IGSF21: variants seen among roughly 807,000 people sequenced by gnomAD.
IGSF21 encodes the protein immunoglobin superfamily member 21.
IGSF21 carries 28 observed loss-of-function variants against 46.8 expected under a neutral mutation model. That is an observed-to-expected ratio of 0.60 (90% CI 0.44 to 0.82). The LOEUF (loss-of-function observed/expected upper bound fraction) is 0.82. IGSF21 is among the 40% of genes least tolerant of loss of function. The probability of loss-of-function intolerance (pLI) is 0.00; values close to 1 mark genes in which losing one functional copy is unlikely to be tolerated. For missense variants in IGSF21, 624 were observed against 665.5 expected, an observed-to-expected ratio of 0.94 and a Z score of 0.69; for synonymous variants, 284 against 273.6, an observed-to-expected ratio of 1.04 and a Z score of -0.38.
intron 3 of IGSF21, among the ~76,000 whole-genome samples, chr1:18,331,508 G>T (rs1276218341): frequency 6.6e-6 from 1 of 152,188 alleles, no homozygotes; most frequent in Non-Finnish European, 1.5e-5. Flanking sequence ...TCCACTCATT[G>T]ATTAATGGGC....
intron 1 of IGSF21, among the ~76,000 whole-genome samples, chr1:18,121,211 A>G (rs963369552): frequency 1.3e-5 from 2 of 152,200 alleles, no homozygotes; most frequent in Non-Finnish European, 1.5e-5. Flanking sequence ...TGAGTAACTT[A>G]GCACTTTGGA....
intron 1 of IGSF21, among the ~76,000 whole-genome samples, chr1:18,124,171 G>A (rs930554841): frequency 6.6e-6 from 1 of 152,184 alleles, no homozygotes; most frequent in Admixed American, 6.5e-5. Flanking sequence ...GAGAAACATT[G>A]AAGCCAAAAT....
chr1:18,133,882 C>T (rs1346583554), intron 1 of IGSF21, among the ~76,000 whole-genome samples: 4 of 152,210 alleles, frequency 2.6e-5, no homozygotes, highest in Admixed American at 6.5e-5. Context: ...GATGACCACA[C>T]GGGTCAGTGA....
At chr1:18,188,470 C>T (rs1383527090) in intron 1 of IGSF21, among the ~76,000 whole-genome samples, 1 of 152,112 alleles carries the variant, frequency 6.6e-6, no homozygotes, top group Non-Finnish European at 1.5e-5. Flanking sequence ...GGAACTCTCA[C>T]CACATCCTCA....
At chr1:18,150,608 T>C (rs2086513667) in intron 1 of IGSF21, among the ~76,000 whole-genome samples, 1 of 152,162 alleles carries the variant, frequency 6.6e-6, no homozygotes, top group Admixed American at 6.5e-5. Context: ...GGTAACTTCA[T>C]ACCTACTTCA....
intron 3 of IGSF21, among the ~76,000 whole-genome samples, chr1:18,301,531 G>C (rs917407612): frequency 2.6e-5 from 4 of 152,128 alleles, no homozygotes. Flanking sequence ...AGCAGAGACA[G>C]GGTTTCACCA....
At chr1:18,324,636 T>G (rs1365505658) in intron 3 of IGSF21, among the ~76,000 whole-genome samples, 1 of 152,334 alleles carries the variant, frequency 6.6e-6, no homozygotes, top group East Asian at 1.9e-4. Context: ...ACCAGACTCT[T>G]CTGGGAGAGC....
chr1:18,370,432 G>GCA (rs2086213635), intron 6 of IGSF21, among the ~76,000 whole-genome samples: 2 of 152,116 alleles, frequency 1.3e-5, no homozygotes, highest in East Asian at 3.9e-4. Flanking sequence ...CCCCTGCCTC[G>GCA]CACACACACA....
intron 1 of IGSF21, among the ~76,000 whole-genome samples, chr1:18,177,392 GGTGTGTGTGTGT>G (rs3041401): frequency 2.2e-4 from 27 of 125,070 alleles, no homozygotes; most frequent in African/African-American, 4.9e-4. Context: ...GGGTCAGTGA[GGTGTGTGTGTGT>G]GTGTGTGTGT....
At chr1:18,268,200 G>T (rs1353485474) in intron 2 of IGSF21, among the ~76,000 whole-genome samples, 1 of 152,204 alleles carries the variant, frequency 6.6e-6, no homozygotes, top group African/African-American at 2.4e-5. Context: ...TACTTCGACT[G>T]ATCATTTTAC....
At chr1:18,174,121 T>G (rs1307331370) in intron 1 of IGSF21, among the ~76,000 whole-genome samples, 2 of 152,176 alleles carry the variant, frequency 1.3e-5, no homozygotes, top group African/African-American at 4.8e-5. Context: ...ATGTGTTCTG[T>G]GGCTTGCGGG....
intron 1 of IGSF21, among the ~76,000 whole-genome samples, chr1:18,199,232 T>A (rs1195679134): frequency 6.6e-6 from 1 of 151,978 alleles, no homozygotes; most frequent in Non-Finnish European, 1.5e-5. Context: ...TGCCCTGAGT[T>A]CAAATACTGT....
chr1:18,148,672 C>T (rs949574935), intron 1 of IGSF21, among the ~76,000 whole-genome samples: 2 of 152,184 alleles, frequency 1.3e-5, no homozygotes, highest in Non-Finnish European at 2.9e-5. Context: ...CAAGGCCTGG[C>T]ACCAGGAAGG....
At chr1:18,183,606 A>G (rs1570312275) in intron 1 of IGSF21, among the ~76,000 whole-genome samples, 2 of 152,248 alleles carry the variant, frequency 1.3e-5, no homozygotes, top group Middle Eastern at 3.4e-3. Flanking sequence ...CCAGCCCAAA[A>G]CTCAGTGGCT....
At chr1:18,208,588 C>T (rs150990959) in intron 1 of IGSF21, among the ~76,000 whole-genome samples, 4,118 of 130,532 alleles carry the variant, frequency 0.032, 103 homozygotes, top group South Asian at 0.049. Flanking sequence ...TAGTAGAGAC[C>T]GGGTTTCTCC....
chr1:18,192,898 C>T (rs1004219), intron 1 of IGSF21, among the ~76,000 whole-genome samples: 35,495 of 151,988 alleles, frequency 0.23, 5,171 homozygotes, highest in South Asian at 0.37. Flanking sequence ...TTATTCGACA[C>T]ATATTAATTG....
rs539595154 is a variant in IGSF21 at position 18,197,814 on chromosome 1, G to A, written c.71-30084G>A. Among the ~76,000 whole-genome samples, 116 of 152,336 alleles carry A rather than the reference G, an allele frequency of 7.6e-4. 1 individual carries two copies. In the South Asian group the frequency reaches 8.1e-3, roughly 11 times the overall value. ...TATTGGGGCTATGGTGAAAGCCAAG[G>A]GCTTAGAATGATGCCTGGAACAAGA... On this transcript the variant is annotated intron_variant, in intron 1 of 9. Transcript: ENST00000251296.
chr1:18,296,203 C>T (rs1268513560), intron 3 of IGSF21, among the ~76,000 whole-genome samples: 5 of 152,198 alleles, frequency 3.3e-5, no homozygotes, highest in Non-Finnish European at 7.3e-5. Context: ...CTTCCTGGGA[C>T]CCCTTCTCAC....
intron 3 of IGSF21, among the ~76,000 whole-genome samples, chr1:18,326,543 C>A (rs1467848377): frequency 6.6e-6 from 1 of 152,170 alleles, no homozygotes; most frequent in Non-Finnish European, 1.5e-5. Context: ...CTCAAAGGAC[C>A]CATCACTACC....
Sources: gnomAD v4.1 joint callset for allele counts (sites outside exome capture counted in the v4.1 genomes callset) on GRCh38, gnomAD v4.1.1 for gene constraint, MANE v1.5 for transcripts, NCBI Gene and HGNC (gene_info 2026-07-23, HGNC 2026-07-21) for gene names.